The following EBF2 variants were observed in gnomAD, a reference collection of about 807,000 sequenced individuals.
The protein encoded by EBF2 is EBF transcription factor 2.
A neutral mutation model predicts 72.8 loss-of-function variants in EBF2; 21 were observed. That is an observed-to-expected ratio of 0.29 (90% CI 0.20 to 0.42). The LOEUF is 0.42. Ranked by LOEUF, EBF2 falls within the 10% of genes least tolerant of loss-of-function variation. The probability of loss-of-function intolerance (pLI) is 1.00; values close to 1 mark genes in which losing one functional copy is unlikely to be tolerated. For missense variants in EBF2, 637 were observed against 731.2 expected (o/e 0.87, Z 1.49); for synonymous variants, 299 against 274.2 (o/e 1.09, Z -0.89).
chr8:25,870,539 A>G (rs1180086549), intron 10 of EBF2, among the ~76,000 whole-genome samples: 1 of 152,094 alleles, frequency 6.6e-6, no homozygotes, highest in Non-Finnish European at 1.5e-5. Flanking sequence ...CCTGCTGCTC[A>G]GAGAGGAATT....
chr8:25,950,689 C>G (rs1486409622), intron 6 of EBF2, among the ~76,000 whole-genome samples: 11 of 152,190 alleles, frequency 7.2e-5, no homozygotes, highest in Admixed American at 5.9e-4. Flanking sequence ...GACCCAGGGT[C>G]AAAGGTTTCC....
chr8:25,910,309 T>A (rs1025404821), intron 6 of EBF2, among the ~76,000 whole-genome samples: 16 of 152,136 alleles, frequency 1.1e-4, no homozygotes, highest in African/African-American at 3.9e-4. Context: ...TTTTCCCACT[T>A]GTGTGTGTTT....
rs113018108 is a variant in EBF2, at chr8:26,030,414, G to A, written c.551+2671C>T. 1.4e-3 allele frequency among the ~76,000 whole-genome samples: 208 copies of A among 152,014 alleles called. 4 individuals carry two copies. The highest frequency in any genetic ancestry group is 4.7e-3 in the African/African-American group (196 of 41,458). On this transcript the variant is annotated intron_variant, in intron 6 of 15. Transcript: ENST00000520164. The stretch of plus-strand genomic sequence containing the variant: ...TACAGGAAGGAGAACATCACACACC[G>A]GGGACTGTTGTGGGGTGGGGGAAGG...
chr8:25,928,349 A>G (rs1333629513), intron 6 of EBF2, among the ~76,000 whole-genome samples: 2 of 152,182 alleles, frequency 1.3e-5, no homozygotes, highest in Non-Finnish European at 2.9e-5. Context: ...AGAGACAGCA[A>G]GAGAACCCAT....
chr8:25,912,759 C>T (rs374527018), intron 6 of EBF2, among the ~76,000 whole-genome samples: 4 of 152,140 alleles, frequency 2.6e-5, no homozygotes, highest in African/African-American at 9.7e-5. Context: ...TATTCAAATA[C>T]GTTTCTCCAG....
intron 10 of EBF2, among the ~76,000 whole-genome samples, chr8:25,864,771 A>C (rs190450637): frequency 6.6e-6 from 1 of 151,444 alleles, no homozygotes; most frequent in Admixed American, 6.6e-5. Flanking sequence ...AGAAACACAC[A>C]ATCTTTTAAA....
At chr8:25,953,472 G>A (rs1434717315) in intron 6 of EBF2, among the ~76,000 whole-genome samples, 2 of 152,214 alleles carry the variant, frequency 1.3e-5, no homozygotes, top group African/African-American at 4.8e-5. Context: ...GGAAATGGAT[G>A]GAGTGGTTGA....
intron 15 of EBF2, among the ~76,000 whole-genome samples, chr8:25,847,565 T>C (rs1241803978): frequency 6.6e-6 from 1 of 152,214 alleles, no homozygotes; most frequent in African/African-American, 2.4e-5. Context: ...AGGAAATATC[T>C]GTTACCTTGC....
chr8:26,032,772 C>T (rs1805430626), intron 6 of EBF2: 1 of 237,216 alleles, frequency 4.2e-6, no homozygotes, highest in Non-Finnish European at 8.2e-6. Flanking sequence ...TTCTAGAAAA[C>T]TGATTGAGAC....
chr8:25,946,237 T>G (rs1449039219), intron 6 of EBF2, among the ~76,000 whole-genome samples: 1 of 152,080 alleles, frequency 6.6e-6, no homozygotes, highest in Non-Finnish European at 1.5e-5. Context: ...ACTTTGGGAG[T>G]GGGGCATGGG....
chr8:26,024,646 C>T (rs763282550), intron 6 of EBF2, among the ~76,000 whole-genome samples: 55 of 152,146 alleles, frequency 3.6e-4, no homozygotes, highest in Non-Finnish European at 6.0e-4. Context: ...ATCACCCAAA[C>T]TCTTCAATGC....
intron 10 of EBF2, among the ~76,000 whole-genome samples, chr8:25,876,744 G>A (rs1310342004): frequency 6.6e-6 from 1 of 152,196 alleles, no homozygotes; most frequent in East Asian, 1.9e-4. Flanking sequence ...TTTGGAATAA[G>A]ACATCTAGGA....
chr8:25,961,130 A>C (rs933360912), intron 6 of EBF2, among the ~76,000 whole-genome samples: 20 of 152,188 alleles, frequency 1.3e-4, no homozygotes, highest in Non-Finnish European at 5.9e-5. Flanking sequence ...AAAATCGCAG[A>C]AAGTAACAAG....
At chr8:25,848,822 A>G (rs1040291022) in intron 15 of EBF2, among the ~76,000 whole-genome samples, 1 of 152,206 alleles carries the variant, frequency 6.6e-6, no homozygotes, top group Non-Finnish European at 1.5e-5. Context: ...GCATTTTGCC[A>G]GTAAGACTTG....
At chr8:25,896,207 ATAAT>A (rs1458390715) in intron 7 of EBF2, among the ~76,000 whole-genome samples, 1 of 152,240 alleles carries the variant, frequency 6.6e-6, no homozygotes, top group African/African-American at 2.4e-5. Context: ...TCACTAGAGA[ATAAT>A]TACACTGGTC....
intron 6 of EBF2, among the ~76,000 whole-genome samples, chr8:25,971,103 G>A (rs1174574612): frequency 1.3e-5 from 2 of 152,136 alleles, no homozygotes; most frequent in Non-Finnish European, 2.9e-5. Context: ...CCAAAGTGCT[G>A]GGATTACAGG....
rs569515702 is a variant in EBF2, at chr8:25,876,669, A to G, written c.1009+10086T>C. 3.9e-5 allele frequency among the ~76,000 whole-genome samples: 6 copies of G among 152,270 alleles called. No homozygotes were observed. In the South Asian group the frequency reaches 6.2e-4, roughly 16 times the overall value. Reference sequence around the variant, plus strand: ...ACAAGACCAAACAGATGGCCTTGGTATCGTGTTTTGTAATAAACTGTACAG... The same window carrying G: ...ACAAGACCAAACAGATGGCCTTGGTGTCGTGTTTTGTAATAAACTGTACAG... On this transcript the variant is annotated intron_variant, in intron 10 of 15. Coordinates refer to ENST00000520164, the MANE Select transcript of EBF2 (RefSeq NM_022659.4).
chr8:25,886,677 T>C, intron 10 of EBF2, 78 bp downstream of exon 10: 3 of 1,468,444 alleles, frequency 2.0e-6, no homozygotes, highest in South Asian at 1.5e-5. Context: ...ATCAGGACGA[T>C]TACAAAGTGC....
At chr8:25,942,632 C>T (rs185970053) in intron 6 of EBF2, among the ~76,000 whole-genome samples, 1 of 152,178 alleles carries the variant, frequency 6.6e-6, no homozygotes, top group African/African-American at 2.4e-5. Context: ...GTCATTCTGG[C>T]AACAAAAACT....
Sources: gnomAD v4.1 joint callset for allele counts (sites outside exome capture counted in the v4.1 genomes callset) on GRCh38, gnomAD v4.1.1 for gene constraint, MANE v1.5 for transcripts, NCBI Gene and HGNC (gene_info 2026-07-23, HGNC 2026-07-21) for gene names.